Variants in CDKAL1 observed in about 807,000 individuals in gnomAD.
CDKAL1 encodes threonylcarbamoyladenosine tRNA methylthiotransferase.
CDKAL1 carries 32 observed loss-of-function variants against 68.2 expected under a neutral mutation model. That is an observed-to-expected ratio of 0.47 (90% CI 0.35 to 0.63). The LOEUF (loss-of-function observed/expected upper bound fraction) is 0.63, where lower values mean the gene tolerates loss of function less well. Among genes scored for constraint, CDKAL1 ranks in the 30% least tolerant of loss-of-function variants. CDKAL1 has a pLI of 0.00. For synonymous variants in CDKAL1, 234 were observed against 244.3 expected, an observed-to-expected ratio of 0.96 and a Z score of 0.39; for missense variants, 606 against 696.7, an observed-to-expected ratio of 0.87 and a Z score of 1.47.
At chr6:20,640,797 A>G (rs975824610) in intron 4 of CDKAL1, among the ~76,000 whole-genome samples, 1 of 152,172 alleles carries the variant, frequency 6.6e-6, no homozygotes, top group Non-Finnish European at 1.5e-5. Context: ...CAACCCTCTC[A>G]CCGTGTGATT....
In CDKAL1 at chr6:21,118,652, A is replaced by G. The variant is rs191027014; in HGVS notation, c.1299+10189A>G. On this transcript the variant is annotated intron_variant, in intron 13 of 15. Transcript: ENST00000274695. ...CACTCTTGAAATTGAGAAACTAGAG[A>G]ATTTTAGCATCTGGAAAGAAAGTAA... 3.3e-5 allele frequency among the ~76,000 whole-genome samples: 5 copies of G among 152,320 alleles called. No homozygotes were observed. In the East Asian group the frequency reaches 9.6e-4, roughly 29 times the overall value.
At chr6:20,776,413 C>T (rs955126300) in intron 7 of CDKAL1, among the ~76,000 whole-genome samples, 2 of 152,086 alleles carry the variant, frequency 1.3e-5, no homozygotes, top group African/African-American at 4.8e-5. Context: ...ATTTTCAGAA[C>T]GAATAAAGTA....
intron 9 of CDKAL1, among the ~76,000 whole-genome samples, chr6:20,947,532 A>T (rs529494908): frequency 6.6e-6 from 1 of 152,306 alleles, no homozygotes; most frequent in African/African-American, 2.4e-5. Flanking sequence ...TCAAGGCTGC[A>T]GTGACCCATG....
chr6:20,792,036 A>T (rs1240406390), intron 8 of CDKAL1, among the ~76,000 whole-genome samples: 1 of 152,160 alleles, frequency 6.6e-6, no homozygotes, highest in Non-Finnish European at 1.5e-5. Context: ...AGTATAATTG[A>T]ACACACATGT....
At chr6:20,797,856 G>A (rs971075267) in intron 8 of CDKAL1, among the ~76,000 whole-genome samples, 1 of 142,570 alleles carries the variant, frequency 7.0e-6, no homozygotes, top group South Asian at 2.2e-4. Context: ...TAGCTCTATC[G>A]CCCAGGCTGG....
chr6:21,001,291 A>G (rs1334960028), intron 11 of CDKAL1, among the ~76,000 whole-genome samples: 1 of 152,198 alleles, frequency 6.6e-6, no homozygotes, highest in African/African-American at 2.4e-5. Context: ...AGAGTACTGC[A>G]TGGATACGAT....
chr6:20,921,140 T>A (rs889942214), intron 9 of CDKAL1, among the ~76,000 whole-genome samples: 5 of 152,132 alleles, frequency 3.3e-5, no homozygotes, highest in African/African-American at 7.2e-5. Flanking sequence ...TTAAAAAAAA[T>A]AATAAACTGG....
chr6:20,698,152 G>A (rs1234567261), intron 5 of CDKAL1, among the ~76,000 whole-genome samples: 5 of 152,136 alleles, frequency 3.3e-5, no homozygotes, highest in Non-Finnish European at 5.9e-5. Context: ...GTATTGCAGT[G>A]TGTCTGTCTG....
intron 13 of CDKAL1, among the ~76,000 whole-genome samples, chr6:21,190,749 GTTTC>G (rs1258824213): frequency 1.3e-5 from 2 of 152,170 alleles, no homozygotes; most frequent in African/African-American, 4.8e-5. Flanking sequence ...AAACAAAATA[GTTTC>G]TTTCTTCCTT....
intron 10 of CDKAL1, among the ~76,000 whole-genome samples, chr6:20,956,978 C>A: frequency 8.1e-6 from 1 of 123,044 alleles, no homozygotes; most frequent in Non-Finnish European, 1.6e-5. Flanking sequence ...CACTTTGACT[C>A]AACACTTGAT....
chr6:21,184,370 T>A (rs1460954081), intron 13 of CDKAL1, among the ~76,000 whole-genome samples: 1 of 152,082 alleles, frequency 6.6e-6, no homozygotes, highest in Non-Finnish European at 1.5e-5. Context: ...AATTTTTGTA[T>A]TTTTAGTAGA....
intron 7 of CDKAL1, among the ~76,000 whole-genome samples, chr6:20,776,024 G>A (rs1172120323): frequency 1.3e-5 from 2 of 151,864 alleles, no homozygotes; most frequent in Non-Finnish European, 2.9e-5. Context: ...ACTATTGTTA[G>A]GTCTGCTGCT....
intron 15 of CDKAL1, among the ~76,000 whole-genome samples, chr6:21,205,646 G>T (rs34046046): frequency 0.3 from 40,415 of 134,634 alleles, 6,232 homozygotes; most frequent in African/African-American, 0.46. Context: ...TTCTCCTGCC[G>T]CAGCCTCCCG....
intron 10 of CDKAL1, among the ~76,000 whole-genome samples, chr6:20,986,078 T>G (rs944120243): frequency 6.6e-6 from 1 of 152,210 alleles, no homozygotes; most frequent in Non-Finnish European, 1.5e-5. Context: ...GTTTGTTGTT[T>G]TCATATTCAG....
At chr6:20,731,778 G>T (rs1029111811) in intron 5 of CDKAL1, among the ~76,000 whole-genome samples, 1 of 152,196 alleles carries the variant, frequency 6.6e-6, no homozygotes, top group African/African-American at 2.4e-5. Context: ...AGTTTGGCAG[G>T]TTCAGGAATT....
At chr6:20,763,279 C>A (rs909240935) in intron 7 of CDKAL1, among the ~76,000 whole-genome samples, 1 of 152,030 alleles carries the variant, frequency 6.6e-6, no homozygotes, top group African/African-American at 2.4e-5. Flanking sequence ...GTCTGGTGAC[C>A]CTCCCTGTTT....
chr6:21,211,600 A>AGT (rs1197746589), intron 15 of CDKAL1, among the ~76,000 whole-genome samples: 5 of 152,228 alleles, frequency 3.3e-5, no homozygotes, highest in African/African-American at 1.2e-4. Context: ...TCAGCACAGG[A>AGT]GTGGCACATG....
intron 5 of CDKAL1, among the ~76,000 whole-genome samples, chr6:20,691,944 A>G (rs1373360324): frequency 2.6e-5 from 4 of 152,126 alleles, no homozygotes; most frequent in African/African-American, 9.7e-5. Context: ...TATATAATTT[A>G]TAAGCAAATA....
At chr6:20,846,734 T>G (rs1014196859) in intron 9 of CDKAL1, among the ~76,000 whole-genome samples, 1 of 152,242 alleles carries the variant, frequency 6.6e-6, no homozygotes, top group African/African-American at 2.4e-5. Context: ...CAACTACTTC[T>G]GAGTCATCAC....
Sources: gnomAD v4.1 joint callset for allele counts (sites outside exome capture counted in the v4.1 genomes callset) on GRCh38, gnomAD v4.1.1 for gene constraint, MANE v1.5 for transcripts, NCBI Gene and HGNC (gene_info 2026-07-23, HGNC 2026-07-21) for gene names.